KDM4C: variants seen among roughly 807,000 people sequenced by gnomAD.
KDM4C encodes the protein lysine demethylase 4C, also known as lysine-specific demethylase 4C.
A neutral mutation model predicts 129.3 loss-of-function variants in KDM4C; 81 were observed. The observed-to-expected ratio is 0.63, with a 90% CI of 0.52 to 0.75. The LOEUF is 0.75. KDM4C is among the 30% of genes least tolerant of loss of function. The pLI, the probability that KDM4C is intolerant of heterozygous loss-of-function variation, is 0.00. For missense variants in KDM4C, 1,457 were observed against 1,304.0 expected (o/e 1.12, Z -1.81); for synonymous variants, 573 against 456.1 (o/e 1.26, Z -3.26).
chr9:6,816,685 C>A (rs570036406), intron 4 of KDM4C, among the ~76,000 whole-genome samples: 1 of 152,144 alleles, frequency 6.6e-6, no homozygotes, highest in Non-Finnish European at 1.5e-5. Flanking sequence ...CCCTAACACT[C>A]GATATTGTCA....
At chr9:6,850,540 G>C (rs1483255744) in intron 5 of KDM4C, among the ~76,000 whole-genome samples, 1 of 151,868 alleles carries the variant, frequency 6.6e-6, no homozygotes, top group East Asian at 1.9e-4. Context: ...CCGCTTCCTG[G>C]GTTCAAGCAA....
At chr9:6,821,968 C>T (rs1564091927) in intron 4 of KDM4C, among the ~76,000 whole-genome samples, 2 of 152,128 alleles carry the variant, frequency 1.3e-5, no homozygotes, top group African/African-American at 4.8e-5. Flanking sequence ...GCTTTCAGAG[C>T]TTGATTTCCT....
rs370643094 is a variant in KDM4C at position 6,986,885 on chromosome 9, T to C, written c.1677+219T>C. 3.3e-5 allele frequency: 15 copies of C among 454,806 alleles called. No homozygotes were observed. The East Asian group carries it at 3.8e-4, about 12-fold the overall frequency. 28.2% of individuals were successfully genotyped at this position (454,806 alleles called of 1,614,324 possible). A position where few individuals can be genotyped will look rare whatever the true frequency, so the allele number is the denominator to read the frequency against. On this transcript the variant is annotated intron_variant, in intron 11 of 21. Transcript: ENST00000381309. ...AGCACATGGAGCTTATGGCCACGTGTCGATGCTTGATTTTCTTTTTTTTGT... is the reference window on the plus strand; with the variant it reads ...AGCACATGGAGCTTATGGCCACGTGCCGATGCTTGATTTTCTTTTTTTTGT...
At chr9:6,845,314 A>T (rs1588657150) in intron 4 of KDM4C, among the ~76,000 whole-genome samples, 1 of 152,296 alleles carries the variant, frequency 6.6e-6, no homozygotes, top group East Asian at 1.9e-4. Flanking sequence ...TTCTGGGCTC[A>T]ATTGATCCTC....
At chr9:7,156,759 T>C (rs570472854) in intron 19 of KDM4C, among the ~76,000 whole-genome samples, 1 of 152,348 alleles carries the variant, frequency 6.6e-6, no homozygotes, top group East Asian at 1.9e-4. Flanking sequence ...ACTGTAGCCT[T>C]GTAGTATAGT....
intron 16 of KDM4C, 137 bp from the exon 17 acceptor site, chr9:7,048,955 A>G (rs560464282): frequency 3.3e-6 from 2 of 597,356 alleles, no homozygotes; most frequent in African/African-American, 3.8e-5. Context: ...ACAGTTCAGA[A>G]TCTGTTTGTG....
intron 12 of KDM4C, among the ~76,000 whole-genome samples, chr9:7,005,008 C>T (rs534438116): frequency 1.4e-3 from 206 of 152,228 alleles, no homozygotes; most frequent in African/African-American, 4.8e-3. Flanking sequence ...GACCAGCCAG[C>T]GAGACTCACA....
intron 19 of KDM4C, among the ~76,000 whole-genome samples, chr9:7,155,235 G>A (rs1418805135): frequency 6.6e-6 from 1 of 152,174 alleles, no homozygotes; most frequent in Non-Finnish European, 1.5e-5. Context: ...CCAAGGATAT[G>A]TGAACCAGCT....
At chr9:6,988,712 C>T (rs1321490282) in intron 11 of KDM4C, among the ~76,000 whole-genome samples, 1 of 151,906 alleles carries the variant, frequency 6.6e-6, no homozygotes, top group African/African-American at 2.4e-5. Flanking sequence ...ATCCATTCAT[C>T]TTGGGCTCAA....
chr9:7,113,370 TATTCAC>T (rs1838547824), intron 18 of KDM4C, among the ~76,000 whole-genome samples: 1 of 152,372 alleles, frequency 6.6e-6, no homozygotes. Flanking sequence ...ATCTTTCTCT[TATTCAC>T]ATTATCAGGT....
chr9:7,049,096 G>A lies in KDM4C; in HGVS notation c.2320G>A (p.Ala774Thr), dbSNP rs1415127370. 1.2e-5 allele frequency: 19 copies of A among 1,609,394 alleles called. No homozygotes were observed. The highest frequency in any genetic ancestry group is 1.6e-5 in the Non-Finnish European group (19 of 1,176,458). Residue 774 changes from alanine to threonine, a missense_variant, in exon 17 of 22, where the codon GCC (alanine) becomes ACC (threonine). Coordinates refer to ENST00000381309, the MANE Select transcript of KDM4C (RefSeq NM_015061.6). ...ALKQTKNNKW[A>T]HVMCAVAVPE... ...TTAATGTCTCCTTTCCTGTAGGTGG[G>A]CCCATGTCATGTGCGCCGTTGCGGT... is the stretch of plus-strand genomic sequence containing the variant.
intron 17 of KDM4C, among the ~76,000 whole-genome samples, chr9:7,068,519 A>G (rs1326413199): frequency 5.3e-5 from 8 of 151,942 alleles, no homozygotes; most frequent in African/African-American, 1.9e-4. Context: ...TCACCTGTCA[A>G]CTCTGCCACA....
intron 1 of KDM4C, among the ~76,000 whole-genome samples, chr9:6,748,124 C>G (rs571278036): frequency 6.6e-6 from 1 of 151,760 alleles, no homozygotes; most frequent in South Asian, 2.1e-4. Context: ...AGAGATCGCA[C>G]CACTGCACTC....
chr9:6,722,808 C>T (rs1025822710), intron 1 of KDM4C, among the ~76,000 whole-genome samples: 1 of 151,878 alleles, frequency 6.6e-6, no homozygotes, highest in African/African-American at 2.4e-5. Flanking sequence ...CCACCGCATC[C>T]GGCCTACAAA....
chr9:7,016,043 C>A, intron 15 of KDM4C, 114 bp downstream of exon 15: 1 of 608,696 alleles, frequency 1.6e-6, no homozygotes. Flanking sequence ...TGCAGTTCTG[C>A]ACTTCCTTGT....
chr9:6,826,439 C>G (rs1294069949), intron 4 of KDM4C, among the ~76,000 whole-genome samples: 1 of 151,982 alleles, frequency 6.6e-6, no homozygotes, highest in South Asian at 2.1e-4. Flanking sequence ...CATTTTTTCT[C>G]TATGAATGCT....
At chr9:7,042,700 C>T (rs1323500067) in intron 15 of KDM4C, among the ~76,000 whole-genome samples, 19 of 152,044 alleles carry the variant, frequency 1.2e-4, no homozygotes, top group Admixed American at 1.0e-3. Flanking sequence ...GCAGGCATTG[C>T]TTCTTGTTTA....
At position 6,935,415 on chromosome 9, in the gene KDM4C, A is replaced by AT. The variant is rs577284988; in HGVS notation, c.921+42192dup. ...CAGTAAAACATGATTTTTCATGTGTATTTTTTTTTCTTTTTTTTTGAGATG... is the reference window on the plus strand; with the variant it reads ...CAGTAAAACATGATTTTTCATGTGTATTTTTTTTTTCTTTTTTTTTGAGATG... On this transcript the variant is annotated intron_variant, in intron 8 of 21. Transcript: ENST00000381309. Among the ~76,000 whole-genome samples the AT allele has an allele frequency of 2.9e-4, 43 of 149,882 alleles. No homozygotes were observed. The East Asian group carries it at 4.3e-3, about 15-fold the overall frequency.
chr9:6,744,275 C>T (rs562544586), intron 1 of KDM4C, among the ~76,000 whole-genome samples: 35 of 152,272 alleles, frequency 2.3e-4, no homozygotes, highest in African/African-American at 7.9e-4. Flanking sequence ...CCTGTAATCC[C>T]AGCACTTTGG....
Sources: gnomAD v4.1 joint callset for allele counts (sites outside exome capture counted in the v4.1 genomes callset) on GRCh38, gnomAD v4.1.1 for gene constraint, MANE v1.5 for transcripts, NCBI Gene and HGNC (gene_info 2026-07-23, HGNC 2026-07-21) for gene names.